Variants in HSF4 observed in about 807,000 individuals in gnomAD.
HSF4 encodes the protein heat shock transcription factor 4, also known as heat shock factor protein 4.
A neutral mutation model predicts 52.0 loss-of-function variants in HSF4; 41 were observed. The ratio of observed to expected loss-of-function variants is 0.79; its 90% CI spans 0.61 to 1.02. HSF4 has a LOEUF of 1.02. HSF4 is among the 50% of genes least tolerant of loss of function. HSF4 has a pLI of 0.00. For missense variants in HSF4, 610 were observed against 651.1 expected (o/e 0.94, Z 0.69); for synonymous variants, 285 against 273.0 (o/e 1.04, Z -0.43).
rs746155124 is a variant in HSF4 at position 67,164,860 on chromosome 16, G to A, written c.49G>A (p.Val17Met). The change falls in exon 1 of 13, where the codon GTG (valine) becomes ATG (methionine). Residue 17 changes from valine to methionine, a missense_variant. By Grantham distance (21) the Val-to-Met change is conservative. Coordinates refer to ENST00000521374, the MANE Select transcript of HSF4 (RefSeq NM_001374675.1). ...GCCCACGGAGCCAGGCCCCAGCCCC[G>A]TGCCTGCCTTCCTCGGCAAGCTATG... ...ALPTEPGPSPVPAFLGKLWAL... is the reference protein window; with the variant it reads ...ALPTEPGPSPMPAFLGKLWAL... 6.2e-6 allele frequency: 10 copies of A among 1,606,246 alleles called. No individual in the cohort carries two copies. The East Asian group carries it at 2.0e-4, about 32-fold the overall frequency.
chr16:67,164,603 T>A, upstream of HSF4: 1 of 233,954 alleles, frequency 4.3e-6, no homozygotes, highest in Non-Finnish European at 8.6e-6. Context: ...TCCACTCCAC[T>A]CCACACATCC....
chr16:67,166,105 T>TG (rs928281613), intron 4 of HSF4, 35 bp downstream of exon 4: 19 of 560,274 alleles, frequency 3.4e-5, no homozygotes, highest in South Asian at 6.5e-5. Flanking sequence ...GGGACAGGGG[T>TG]GGGGGGTTCG....
In HSF4 at chr16:67,164,856, C is replaced by G; in HGVS notation, c.45C>G (p.Ser15Arg). Residue 15 changes from serine to arginine, a missense_variant, in exon 1 of 13, where the codon AGC becomes AGG. Transcript: ENST00000521374. Reference sequence around the variant, plus strand: ...CGCTGCCCACGGAGCCAGGCCCCAGCCCCGTGCCTGCCTTCCTCGGCAAGC... The same window carrying G: ...CGCTGCCCACGGAGCCAGGCCCCAGGCCCGTGCCTGCCTTCCTCGGCAAGC... ...PAALPTEPGP[S>R]PVPAFLGKLW... 6.2e-6 allele frequency: 10 copies of G among 1,605,310 alleles called. No individual in the cohort carries two copies. Among genetic ancestry groups the G allele is most frequent in the Non-Finnish European group, 7.6e-6 (9 of 1,178,612 alleles).
upstream of HSF4, chr16:67,164,033 C>A (rs1222156310): frequency 2.7e-6 from 2 of 733,374 alleles, no homozygotes; most frequent in Non-Finnish European, 4.8e-6. Flanking sequence ...CCCACCCGCT[C>A]GGTCCTGGAC....
At position 67,165,133 on chromosome 16, in the gene HSF4, G is replaced by T. The variant is rs1192767271; in HGVS notation, c.123+199G>T. 1 of 633,350 alleles carries T rather than the reference G, an allele frequency of 1.6e-6. No individual in the cohort carries two copies. The highest frequency in any genetic ancestry group is 2.7e-6 in the Non-Finnish European group (1 of 369,284). 39.2% of individuals were successfully genotyped at this position (633,350 alleles called of 1,614,324 possible). The stretch of plus-strand genomic sequence containing the variant: ...AAGAAGGGTTAGGAGCCTGCCTTCT[G>T]AAGACCTAGAGTCCGAGGGACCTTC... On this transcript the variant is annotated intron_variant, in intron 1 of 12. Coordinates refer to ENST00000521374, the MANE Select transcript of HSF4 (RefSeq NM_001374675.1). This position sits in a 1 kb window ranked among gnomAD's most constrained non-coding sequence, Gnocchi z 6.9.
chr16:67,166,178 C>T, intron 4 of HSF4, 108 bp downstream of exon 4: 3 of 1,389,782 alleles, frequency 2.2e-6, no homozygotes, highest in Non-Finnish European at 2.0e-6. Context: ...CCTGCCTTGG[C>T]GCCTCCATCT....
upstream of HSF4, chr16:67,163,853 G>C: frequency 6.6e-7 from 1 of 1,512,580 alleles, no homozygotes; most frequent in Non-Finnish European, 8.8e-7. Flanking sequence ...CCCCGTGGAC[G>C]TAAGCGCTCT....
chr16:67,167,022 T>C, intron 6 of HSF4, 98 bp from the exon 7 acceptor site: 3 of 1,556,488 alleles, frequency 1.9e-6, no homozygotes, highest in Non-Finnish European at 2.6e-6. Context: ...CTCTGCTGAC[T>C]TGGCTGCTGG....
Position 67,169,580 on chromosome 16 carries a change from AGAAAGGAGGGGGAACATTTCCCCTGGT to A in HSF4, c.1325-48_1325-22del. The A allele has an allele frequency of 1.2e-6, 2 of 1,600,298 alleles. No individual in the cohort carries two copies. Among genetic ancestry groups the A allele is most frequent in the Non-Finnish European group, 1.7e-6 (2 of 1,179,558 alleles). The stretch of plus-strand genomic sequence containing the variant: ...GGCGGGCAGGGCTCTCCTTCCCTGA[AGAAAGGAGGGGGAACATTTCCCCTGGT>A]GAGCGCAGTCCCACTTCTCCTAGGG... On this transcript the variant is annotated intron_variant, in intron 12 of 12. Transcript: ENST00000521374. The surrounding 1 kb of genome is among the most constrained non-coding windows in gnomAD (Gnocchi z 4.3).
In HSF4 at chr16:67,165,967, G is replaced by A. The variant is rs772292108; in HGVS notation, c.382G>A (p.Asp128Asn). ...RRKVPALRGDDGRWRPEDLGR... is the reference protein window; with the variant it reads ...RRKVPALRGDNGRWRPEDLGR... ...GCAGGTGCCCGCGCTGCGCGGCGACGACGGCCGCTGGCGCCCGGAGGACCT... is the reference window on the plus strand; with the variant it reads ...GCAGGTGCCCGCGCTGCGCGGCGACAACGGCCGCTGGCGCCCGGAGGACCT... Residue 128 changes from aspartate (D) to asparagine (N), a missense_variant, in exon 4 of 13, where the codon GAC (aspartate) becomes AAC (asparagine). Physicochemically the swap from Asp to Asn is conservative, Grantham distance 23 (BLOSUM62 1). Coordinates refer to ENST00000521374, the MANE Select transcript of HSF4 (RefSeq NM_001374675.1). The surrounding 1 kb of genome is among the most constrained non-coding windows in gnomAD (Gnocchi z 6.9). 1 of 1,561,672 alleles carries A rather than the reference G, an allele frequency of 6.4e-7. No homozygotes were observed. Among genetic ancestry groups the A allele is most frequent in the Non-Finnish European group, 8.6e-7 (1 of 1,162,570 alleles).
chr16:67,166,382 G>A lies in HSF4; in HGVS notation c.548G>A (p.Arg183Gln), dbSNP rs774282666. ...TLRQSHGQQHRVIGKLIQCLF... is the reference protein window; with the variant it reads ...TLRQSHGQQHQVIGKLIQCLF... ...CGGCAGAGCCACGGTCAGCAGCACC[G>A]GGTCATTGGCAAGGTGTTCCTCTCC... Residue 183 changes from arginine to glutamine, a missense_variant, in exon 5 of 13, where the codon CGG becomes CAG. Transcript: ENST00000521374. The A allele has an allele frequency of 5.6e-6, 9 of 1,609,448 alleles. No individual in the cohort carries two copies. Among genetic ancestry groups the A allele is most frequent in the Non-Finnish European group, 7.6e-6 (9 of 1,178,038 alleles).
chr16:67,168,486 A>G (rs1243016444), intron 9 of HSF4, among the ~76,000 whole-genome samples: 2 of 152,046 alleles, frequency 1.3e-5, no homozygotes, highest in Non-Finnish European at 2.9e-5. Flanking sequence ...AAAGAAAAGA[A>G]AGAAAGAAGG....
Position 67,165,026 on chromosome 16 carries a change from G to A in HSF4, c.123+92G>A. 7.4e-7 allele frequency: 1 copy of A among 1,346,886 alleles called. No homozygotes were observed. 83.4% of individuals were successfully genotyped at this position (1,346,886 alleles called of 1,614,324 possible). On this transcript the variant is annotated intron_variant, in intron 1 of 12. Coordinates refer to ENST00000521374, the MANE Select transcript of HSF4 (RefSeq NM_001374675.1). This position sits in a 1 kb window ranked among gnomAD's most constrained non-coding sequence, Gnocchi z 6.9. ...GCCCGCCCAACCCCCTCCTGAGACTGGGCCGTGGATCCCCGGATTTGGCCA... is the reference window on the plus strand; with the variant it reads ...GCCCGCCCAACCCCCTCCTGAGACTAGGCCGTGGATCCCCGGATTTGGCCA...
In HSF4 at chr16:67,165,082, C is replaced by A; in HGVS notation, c.123+148C>A. The A allele has an allele frequency of 1.1e-6, 1 of 885,686 alleles. No individual in the cohort carries two copies. Among genetic ancestry groups the A allele is most frequent in the Non-Finnish European group, 1.7e-6 (1 of 598,318 alleles). The allele number at this position is 885,686 out of a possible 1,614,324, so 54.9% of individuals were successfully genotyped here. A position where few individuals can be genotyped will look rare whatever the true frequency, so the allele number is the denominator to read the frequency against. ...AGAAGTTCACCTTGGAGGGGGTGTGCGAGAGGGGGGTTTCCTCTGCGGCCG... is the reference window on the plus strand; with the variant it reads ...AGAAGTTCACCTTGGAGGGGGTGTGAGAGAGGGGGGTTTCCTCTGCGGCCG... On this transcript the variant is annotated intron_variant, in intron 1 of 12. Coordinates refer to ENST00000521374, the MANE Select transcript of HSF4 (RefSeq NM_001374675.1). This position sits in a 1 kb window ranked among gnomAD's most constrained non-coding sequence, Gnocchi z 6.9.
upstream of HSF4, chr16:67,164,558 AC>A: frequency 2.7e-6 from 1 of 376,948 alleles, no homozygotes; most frequent in South Asian, 1.7e-5. Flanking sequence ...ATCTCACCCC[AC>A]CCCACCCCAC....
Position 67,167,494 on chromosome 16 carries a change from T to C in HSF4, c.749T>C (p.Leu250Ser), listed in dbSNP as rs2031392206. The change falls in exon 8 of 13, where the codon TTG becomes TCG. Residue 250 changes from leucine to serine, a missense_variant. Leu to Ser is a moderately radical substitution (Grantham distance 145). Coordinates refer to ENST00000521374, the MANE Select transcript of HSF4 (RefSeq NM_001374675.1). Reference sequence around the variant, plus strand: ...TTACAGCCTCTCCCAGAGACAAATTTGGGCCTTAGCCCTCACAGGGCCAGG... The same window carrying C: ...TTACAGCCTCTCCCAGAGACAAATTCGGGCCTTAGCCCTCACAGGGCCAGG... ...FIQSPLPETN[L>S]GLSPHRARGP... The C allele has an allele frequency of 6.2e-7, 1 of 1,613,702 alleles. No individual in the cohort carries two copies. The highest frequency in any genetic ancestry group is 1.7e-5 in the Admixed American group (1 of 60,014).
Position 67,164,996 on chromosome 16 carries a change from C to A in HSF4, c.123+62C>A, listed in dbSNP as rs556154510. Reference sequence around the variant, plus strand: ...CGGGGTCCCTCCACGTCAGTGAACACCCATGCCCGCCCAACCCCCTCCTGA... The same window carrying A: ...CGGGGTCCCTCCACGTCAGTGAACAACCATGCCCGCCCAACCCCCTCCTGA... On this transcript the variant is annotated intron_variant, in intron 1 of 12. Coordinates refer to ENST00000521374, the MANE Select transcript of HSF4 (RefSeq NM_001374675.1). The A allele has an allele frequency of 2.7e-6, 4 of 1,475,670 alleles. No individual in the cohort carries two copies. The South Asian group carries it at 5.1e-5, about 19-fold the overall frequency. 91.4% of individuals were successfully genotyped at this position (1,475,670 alleles called of 1,614,324 possible).
Position 67,165,565 on chromosome 16 carries a change from A to G in HSF4, c.167A>G (p.Lys56Arg). Residue 56 changes from lysine (K) to arginine (R), a missense_variant, in exon 2 of 13, where the codon AAG becomes AGG. Lys to Arg is a conservative substitution (Grantham distance 26). Transcript: ENST00000521374. The surrounding 1 kb of genome is among the most constrained non-coding windows in gnomAD (Gnocchi z 6.9). ...GTAAGCGACCAGAGCCGTTTCGCCA[A>G]GGAAGTGCTGCCCCAGTATTTCAAG... ...FLVSDQSRFA[K>R]EVLPQYFKHS... 1 of 1,613,286 alleles carries G rather than the reference A, an allele frequency of 6.2e-7. No homozygotes were observed. The highest frequency in any genetic ancestry group is 8.5e-7 in the Non-Finnish European group (1 of 1,179,900).
chr16:67,167,387 C>A (rs1367587772), intron 7 of HSF4, 88 bp from the exon 8 acceptor site: 1 of 1,612,128 alleles, frequency 6.2e-7, no homozygotes, highest in African/African-American at 1.3e-5. Flanking sequence ...AACCTTCTCC[C>A]TTAGACCTGG....
Sources: gnomAD v4.1 joint callset for allele counts (sites outside exome capture counted in the v4.1 genomes callset) on GRCh38, gnomAD v4.1.1 for gene constraint, Gnocchi (gnomAD v3.1) non-coding constraint, MANE v1.5 for transcripts, NCBI Gene and HGNC (gene_info 2026-07-23, HGNC 2026-07-21) for gene names.